The following OSBPL5 variants were observed in gnomAD, a reference collection of about 807,000 sequenced individuals.
OSBPL5 encodes oxysterol-binding protein-related protein 5.
A neutral mutation model predicts 111.2 loss-of-function variants in OSBPL5; 71 were observed. The ratio of observed to expected loss-of-function variants is 0.64; its 90% CI spans 0.53 to 0.78. The LOEUF (loss-of-function observed/expected upper bound fraction) is 0.78. Ranked by LOEUF, OSBPL5 falls within the 30% of genes least tolerant of loss-of-function variation. The pLI is 0.00. For missense variants in OSBPL5, 1,210 were observed against 1,189.3 expected (o/e 1.02, Z -0.26); for synonymous variants, 549 against 513.9 (o/e 1.07, Z -0.93).
rs552700919 is a variant in OSBPL5 at position 3,106,820 on chromosome 11, A to G, written c.1059+443T>C. Among the ~76,000 whole-genome samples, 1 of 152,186 alleles carries G rather than the reference A, an allele frequency of 6.6e-6. No homozygotes were observed. The highest frequency in any genetic ancestry group is 1.9e-4 in the East Asian group (1 of 5,146). ...CCCAGAGCCCAGGTCTGTCTCATTC[A>G]TGGCTCTCCCAGGGCCCCAGGAGAG... On this transcript the variant is annotated intron_variant, in intron 9 of 21. Transcript: ENST00000263650. The surrounding 1 kb of genome is among the most constrained non-coding windows in gnomAD (Gnocchi z 8.4).
intron 1 of OSBPL5, among the ~76,000 whole-genome samples, chr11:3,160,334 T>C (rs1416508794): frequency 1.3e-5 from 2 of 152,190 alleles, no homozygotes; most frequent in Non-Finnish European, 2.9e-5. Context: ...GCCTGGACCC[T>C]TTAAACAACC....
At chr11:3,157,690 C>T (rs375004834) in intron 1 of OSBPL5, among the ~76,000 whole-genome samples, 10 of 152,214 alleles carry the variant, frequency 6.6e-5, no homozygotes, top group African/African-American at 9.6e-5. Flanking sequence ...CGCCCTCGGC[C>T]GGCTGGGGAC....
chr11:3,129,131 GAA>G lies in OSBPL5; in HGVS notation c.16_17del (p.Phe6ProfsTer33). MKEEAFLRRRFSLCPP... is the reference protein window; with the variant it reads MKEEAXLRRRFSLCPP... ...GACACAGGGAGAAGCGGCGCCGGAG[GAA>G]GGCCTCCTCCTTCATGCTGTGGGCG... On this transcript the variant is annotated frameshift_variant, in exon 2 of 22. Transcript: ENST00000263650. LOFTEE classifies it high-confidence loss of function. The G allele has an allele frequency of 1.3e-6, 2 of 1,484,090 alleles. No individual in the cohort carries two copies. The highest frequency in any genetic ancestry group is 1.8e-6 in the Non-Finnish European group (2 of 1,113,220). 91.9% of individuals were successfully genotyped at this position (1,484,090 alleles called of 1,614,324 possible).
chr11:3,090,399 CAGA>C, intron 20 of OSBPL5, among the ~76,000 whole-genome samples, 156 bp downstream of exon 20: 1 of 152,208 alleles, frequency 6.6e-6, no homozygotes, highest in Middle Eastern at 3.4e-3. Context: ...TCTGAGAGGG[CAGA>C]GCCTGCTGGG....
At chr11:3,131,951 ATCC>A (rs1845822259) in intron 1 of OSBPL5, among the ~76,000 whole-genome samples, 2 of 21,026 alleles carry the variant, frequency 9.5e-5, no homozygotes, top group Admixed American at 1.1e-3. Flanking sequence ...CCATCCATCC[ATCC>A]ATCCATCCAT....
intron 1 of OSBPL5, among the ~76,000 whole-genome samples, chr11:3,164,898 G>C (rs374396588): frequency 6.6e-6 from 1 of 152,046 alleles, no homozygotes; most frequent in African/African-American, 2.4e-5. Context: ...ACCAAGTGGG[G>C]AGCCGAGCTG....
intron 3 of OSBPL5, among the ~76,000 whole-genome samples, chr11:3,123,342 G>C: frequency 6.6e-6 from 1 of 152,204 alleles, no homozygotes; most frequent in East Asian, 1.9e-4. Context: ...AGCTTCCACA[G>C]TTTTAATCAG....
At chr11:3,131,679 CACCCACCCACCCAT>C (rs1845790374) in intron 1 of OSBPL5, among the ~76,000 whole-genome samples, 1 of 145,272 alleles carries the variant, frequency 6.9e-6, no homozygotes, top group African/African-American at 2.6e-5. Context: ...TCCATCCATC[CACCCACCCACCCAT>C]TCATCTATCC....
chr11:3,093,189 A>C, intron 17 of OSBPL5, 137 bp from the exon 18 acceptor site: 1 of 945,710 alleles, frequency 1.1e-6, no homozygotes, highest in Non-Finnish European at 1.5e-6. Context: ...CAGGGAGCTC[A>C]CTACTTTGAA....
chr11:3,103,252 T>C lies in OSBPL5; in HGVS notation c.1313A>G (p.Tyr438Cys), dbSNP rs1857519298. 6.2e-7 allele frequency: 1 copy of C among 1,604,472 alleles called. No individual in the cohort carries two copies. The highest frequency in any genetic ancestry group is 1.3e-5 in the African/African-American group (1 of 74,766). ...GCAGGGGCTCACCTTGGGCTTCTTG[T>C]AGAAGCCAGACAGGTACCACCGCAG... ...LVLRWYLSGF[Y>C]KKPKGIKKPY... The change falls in exon 11 of 22, where the codon TAC (tyrosine) becomes TGC (cysteine). Residue 438 changes from tyrosine to cysteine, a missense_variant. By Grantham distance (194) the Tyr-to-Cys change is radical. Coordinates refer to ENST00000263650, the MANE Select transcript of OSBPL5 (RefSeq NM_020896.4).
rs769984181 is a variant in OSBPL5 at position 3,130,746 on chromosome 11, T to C, written c.-21-1577A>G. Reference sequence around the variant, plus strand: ...CCGATCCTAAAACCCAGCCGCTGAGTGTCTGCCCACTCAGTGTCTCAGCTT... The same window carrying C: ...CCGATCCTAAAACCCAGCCGCTGAGCGTCTGCCCACTCAGTGTCTCAGCTT... On this transcript the variant is annotated intron_variant, in intron 1 of 21. Coordinates refer to ENST00000263650, the MANE Select transcript of OSBPL5 (RefSeq NM_020896.4). The surrounding 1 kb of genome is among the most constrained non-coding windows in gnomAD (Gnocchi z 4.5). Among the ~76,000 whole-genome samples the C allele has an allele frequency of 5.9e-5, 9 of 152,168 alleles. No individual in the cohort carries two copies. The highest frequency in any genetic ancestry group is 1.2e-4 in the Non-Finnish European group (8 of 68,026).
chr11:3,137,379 C>T (rs1845979299), intron 1 of OSBPL5, among the ~76,000 whole-genome samples: 1 of 152,204 alleles, frequency 6.6e-6, no homozygotes, highest in African/African-American at 2.4e-5. Flanking sequence ...ATGCGCTTTC[C>T]CAGGACATCT....
rs1857854849 is a variant in OSBPL5, at chr11:3,109,887, C to G, written c.692-1942G>C. ...CCTCTTCCTCCTCTTCCTGGAAGCCCACCCTGATACCCACAGGGGCTGCAG... is the reference window on the plus strand; with the variant it reads ...CCTCTTCCTCCTCTTCCTGGAAGCCGACCCTGATACCCACAGGGGCTGCAG... On this transcript the variant is annotated intron_variant, in intron 7 of 21. Transcript: ENST00000263650. The surrounding 1 kb of genome is among the most constrained non-coding windows in gnomAD (Gnocchi z 7.4). 6.6e-6 allele frequency among the ~76,000 whole-genome samples: 1 copy of G among 152,200 alleles called. No individual in the cohort carries two copies. Among genetic ancestry groups the G allele is most frequent in the Admixed American group, 6.5e-5 (1 of 15,282 alleles).
At chr11:3,150,943 G>A (rs1011682547) in intron 1 of OSBPL5, among the ~76,000 whole-genome samples, 5 of 152,268 alleles carry the variant, frequency 3.3e-5, no homozygotes, top group South Asian at 2.1e-4. Context: ...CTCTCCCGGC[G>A]GTGGAGGGTT....
In OSBPL5 at chr11:3,088,214, G is replaced by T. The variant is rs1190685622; in HGVS notation, c.2631C>A (p.Ile877=). Residue 877 remains isoleucine (I), a synonymous_variant, in exon 22 of 22, where the codon ATC becomes ATA. Coordinates refer to ENST00000263650, the MANE Select transcript of OSBPL5 (RefSeq NM_020896.4). ...TCTGCCCTCAGGGCTCCTATTTGAGGATGTGGTTAATGAACAGCTGACACG... is the reference window on the plus strand; with the variant it reads ...TCTGCCCTCAGGGCTCCTATTTGAGTATGTGGTTAATGAACAGCTGACACG... ...FLACQLFINH[I]LK The T allele has an allele frequency of 1.3e-6, 2 of 1,593,388 alleles. No individual in the cohort carries two copies. Among genetic ancestry groups the T allele is most frequent in the African/African-American group, 2.7e-5 (2 of 74,462 alleles).
At chr11:3,102,039 CT>C in intron 12 of OSBPL5, 143 bp downstream of exon 12, 1 of 769,064 alleles carries the variant, frequency 1.3e-6, no homozygotes, top group Non-Finnish European at 2.1e-6. Context: ...GTCCACAGCC[CT>C]TCCGGTGTGC....
At position 3,126,503 on chromosome 11, in the gene OSBPL5, CG is replaced by C; in HGVS notation, c.188del (p.Pro63ArgfsTer59). 2 of 1,609,704 alleles carry C rather than the reference CG, an allele frequency of 1.2e-6. No individual in the cohort carries two copies. Among genetic ancestry groups the C allele is most frequent in the Admixed American group, 1.7e-5 (1 of 59,764 alleles). On this transcript the variant is annotated frameshift_variant, in exon 3 of 22. Transcript: ENST00000263650. LOFTEE classifies it high-confidence loss of function. This position sits in a 1 kb window ranked among gnomAD's most constrained non-coding sequence, Gnocchi z 6.5. ...GCACCTTCGTGGCAGAGCTTGGGGT[CG>C]GGGGCCCTTCATCCCTGGGCAGCGA... is the stretch of plus-strand genomic sequence containing the variant. Reference protein sequence around the residue: ...GPSLPRDEGPPTPSSATKVPP... With the variant: ...GPSLPRDEGPXTPSSATKVPP...
intron 10 of OSBPL5, 82 bp from the exon 11 acceptor site, chr11:3,103,402 A>G (rs927089189): frequency 4.7e-6 from 6 of 1,277,688 alleles, no homozygotes; most frequent in Non-Finnish European, 5.5e-6. Context: ...CCCTCCTACC[A>G]TCCCGACCTC....
At chr11:3,134,339 C>G (rs1371766213) in intron 1 of OSBPL5, among the ~76,000 whole-genome samples, 1 of 152,192 alleles carries the variant, frequency 6.6e-6, no homozygotes, top group East Asian at 1.9e-4. Context: ...TTGGGGGTTG[C>G]CTGTGTCCCC....
Sources: gnomAD v4.1 joint callset for allele counts (sites outside exome capture counted in the v4.1 genomes callset) on GRCh38, gnomAD v4.1.1 for gene constraint, Gnocchi (gnomAD v3.1) non-coding constraint, MANE v1.5 for transcripts, NCBI Gene and HGNC (gene_info 2026-07-23, HGNC 2026-07-21) for gene names.